Variants in SHROOM2 observed in about 807,000 individuals in gnomAD.
SHROOM2 encodes the protein protein Shroom2.
SHROOM2 carries 33 observed loss-of-function variants against 75.9 expected under a neutral mutation model. The observed-to-expected ratio is 0.43, with a 90% CI of 0.33 to 0.58. The LOEUF (loss-of-function observed/expected upper bound fraction) is 0.58. SHROOM2 is among the 20% of genes least tolerant of loss of function. SHROOM2 has a pLI of 0.04. For synonymous variants in SHROOM2, 655 were observed against 663.6 expected, an observed-to-expected ratio of 0.99 and a Z score of 0.20; for missense variants, 1,434 against 1,461.2, an observed-to-expected ratio of 0.98 and a Z score of 0.30.
chrX:9,876,181 A>G (rs758224410), intron 2 of SHROOM2, among the ~76,000 whole-genome samples: 6 of 112,431 alleles, frequency 5.3e-5, no homozygotes, highest in Non-Finnish European at 1.1e-4. Context: ...TTATTTAAGT[A>G]GTATGTGTAA....
intron 5 of SHROOM2, among the ~76,000 whole-genome samples, chrX:9,918,804 G>A (rs896402646): frequency 8.9e-6 from 1 of 112,000 alleles, no homozygotes; most frequent in African/African-American, 3.2e-5. Context: ...TGCTTCTTAT[G>A]AGGGTACTCA....
At chrX:9,890,431 G>A (rs1039528865) in intron 2 of SHROOM2, among the ~76,000 whole-genome samples, 3 of 113,455 alleles carry the variant, frequency 2.6e-5, no homozygotes, top group African/African-American at 9.6e-5. Context: ...CCCACTCTGC[G>A]TTAGGGCAAA....
Position 9,944,921 on chromosome X carries a change from C to G in SHROOM2, c.4584+8C>G. 1 of 1,187,880 alleles carries G rather than the reference C, an allele frequency of 8.4e-7. No homozygotes were observed. Among genetic ancestry groups the G allele is most frequent in the Admixed American group, 2.3e-5 (1 of 43,397 alleles). ...GCTTCTCCCGGTGATCGGGTAAATG[C>G]AGATACGTCTGACTTGGAAATGGGG... On this transcript the variant is annotated splice_region_variant and intron_variant, in intron 9 of 9. Transcript: ENST00000380913.
At chrX:9,789,793 G>A (rs1389348124) in intron 1 of SHROOM2, among the ~76,000 whole-genome samples, 1 of 111,753 alleles carries the variant, frequency 8.9e-6, no homozygotes, top group Non-Finnish European at 1.9e-5. Context: ...CTTAGAGTCC[G>A]CTCCCTCCCC....
intron 8 of SHROOM2, among the ~76,000 whole-genome samples, chrX:9,942,277 C>T (rs2084778850): frequency 8.9e-6 from 1 of 112,127 alleles, no homozygotes; most frequent in Non-Finnish European, 1.9e-5. Flanking sequence ...CAGAAGACTT[C>T]GGTGACCACA....
intron 1 of SHROOM2, among the ~76,000 whole-genome samples, chrX:9,864,625 C>T (rs1414096804): frequency 6.5e-5 from 7 of 107,497 alleles, no homozygotes; most frequent in Admixed American, 2.0e-4. Flanking sequence ...GAGACCATCC[C>T]GGCTAAAAAA....
At chrX:9,916,459 A>G (rs1409765990) in intron 5 of SHROOM2, among the ~76,000 whole-genome samples, 1 of 111,883 alleles carries the variant, frequency 8.9e-6, no homozygotes, top group Non-Finnish European at 1.9e-5. Flanking sequence ...TTCCATGTTG[A>G]TTTCCTTCGG....
chrX:9,856,891 G>C (rs926385017), intron 1 of SHROOM2, among the ~76,000 whole-genome samples: 2 of 112,411 alleles, frequency 1.8e-5, no homozygotes, highest in Non-Finnish European at 3.8e-5. Context: ...TCCCCCATCC[G>C]CTGGGACCGC....
chrX:9,827,755 G>C (rs1354315077), intron 1 of SHROOM2, among the ~76,000 whole-genome samples: 1 of 110,704 alleles, frequency 9.0e-6, no homozygotes, highest in Non-Finnish European at 1.9e-5. Flanking sequence ...TGCTGTGTGG[G>C]GAGGTGGAGC....
intron 1 of SHROOM2, among the ~76,000 whole-genome samples, chrX:9,858,786 CAA>C (rs2146783628): frequency 9.0e-6 from 1 of 111,582 alleles, no homozygotes; most frequent in Admixed American, 9.5e-5. Context: ...GCCTGGGTGA[CAA>C]GAGCAATACT....
At chrX:9,854,261 T>A (rs1389027043) in intron 1 of SHROOM2, among the ~76,000 whole-genome samples, 1 of 112,683 alleles carries the variant, frequency 8.9e-6, no homozygotes, top group Non-Finnish European at 1.9e-5. Context: ...CACTCAAACC[T>A]GTGATTGCCA....
At chrX:9,810,103 G>A (rs1287379300) in intron 1 of SHROOM2, among the ~76,000 whole-genome samples, 1 of 112,659 alleles carries the variant, frequency 8.9e-6, no homozygotes, top group Non-Finnish European at 1.9e-5. Context: ...AAATACTCAT[G>A]ACAATTGCAG....
At chrX:9,869,350 G>A (rs1163947612) in intron 1 of SHROOM2, among the ~76,000 whole-genome samples, 3 of 112,573 alleles carry the variant, frequency 2.7e-5, no homozygotes, top group Non-Finnish European at 5.6e-5. Flanking sequence ...ATTTTCAAGT[G>A]TACTGTTCAG....
At chrX:9,818,964 G>T in intron 1 of SHROOM2, 1 of 619,506 alleles carries the variant, frequency 1.6e-6, no homozygotes, top group Non-Finnish European at 2.8e-6. Context: ...TAATTTCTTT[G>T]GTGGTGGTGT....
intron 1 of SHROOM2, among the ~76,000 whole-genome samples, chrX:9,872,844 T>C (rs1182105472): frequency 1.8e-5 from 2 of 112,173 alleles, no homozygotes; most frequent in Admixed American, 9.4e-5. Context: ...TTGTTAAATG[T>C]AGTTATCATA....
Position 9,947,691 on chromosome X carries a change from A to C in SHROOM2, c.*754A>C, listed in dbSNP as rs959724229. 11 of 112,501 alleles carry C rather than the reference A, an allele frequency of 9.8e-5. No homozygotes were observed. Among genetic ancestry groups the C allele is most frequent in the Non-Finnish European group, 2.1e-4 (11 of 53,322 alleles). The allele number at this position is 112,501 out of a possible 1,213,427, so 9.3% of individuals were successfully genotyped here. A position where few individuals can be genotyped will look rare whatever the true frequency, so the allele number is the denominator to read the frequency against. ...CACATCACAGTTGTTCTGCAAAGTA[A>C]AATTTTTTGGTTAAGAGCGTGTCCA... On this transcript the variant is annotated 3_prime_UTR_variant, in exon 10 of 10. Coordinates refer to ENST00000380913, the MANE Select transcript of SHROOM2 (RefSeq NM_001649.4).
intron 1 of SHROOM2, among the ~76,000 whole-genome samples, chrX:9,856,367 C>T (rs2084070350): frequency 1.8e-5 from 2 of 111,339 alleles, no homozygotes; most frequent in Admixed American, 1.9e-4. Context: ...ATAAAAACAG[C>T]CAGACATTAT....
intron 1 of SHROOM2, among the ~76,000 whole-genome samples, chrX:9,822,408 C>G (rs2083857963): frequency 8.9e-6 from 1 of 112,077 alleles, no homozygotes; most frequent in African/African-American, 3.2e-5. Flanking sequence ...GCAAAGACCA[C>G]TTGTAATAGA....
At chrX:9,800,059 A>G (rs1279441899) in intron 1 of SHROOM2, among the ~76,000 whole-genome samples, 1 of 111,197 alleles carries the variant, frequency 9.0e-6, no homozygotes, top group Non-Finnish European at 1.9e-5. Flanking sequence ...CCAGTTGATC[A>G]CCAATCCTTT....
Sources: gnomAD v4.1 joint callset for allele counts (sites outside exome capture counted in the v4.1 genomes callset) on GRCh38, gnomAD v4.1.1 for gene constraint, MANE v1.5 for transcripts, NCBI Gene and HGNC (gene_info 2026-07-23, HGNC 2026-07-21) for gene names.